The following PPP1R13B variants were observed in gnomAD, a reference collection of about 807,000 sequenced individuals.
PPP1R13B encodes protein phosphatase 1 regulatory subunit 13B, also known as apoptosis-stimulating of p53 protein 1.
Under a neutral mutation model 119.8 loss-of-function variants are expected in PPP1R13B, and 44 were observed. The ratio of observed to expected loss-of-function variants is 0.37; its 90% CI spans 0.29 to 0.47. PPP1R13B has a LOEUF of 0.47. PPP1R13B is among the 20% of genes least tolerant of loss of function. The pLI is 0.99. For synonymous variants in PPP1R13B, 542 were observed against 561.5 expected, an observed-to-expected ratio of 0.97 and a Z score of 0.49; for missense variants, 1,227 against 1,413.5, an observed-to-expected ratio of 0.87 and a Z score of 2.12.
intron 1 of PPP1R13B, 104 bp downstream of exon 1, chr14:103,847,195 C>A (rs2087067511): frequency 9.7e-7 from 1 of 1,031,264 alleles, no homozygotes; most frequent in Non-Finnish European, 1.2e-6. Flanking sequence ...CCCGCCCGCC[C>A]GGCCTCGCAC....
chr14:103,774,220 A>G (rs1302438642), intron 4 of PPP1R13B, among the ~76,000 whole-genome samples: 1 of 152,228 alleles, frequency 6.6e-6, no homozygotes, highest in Non-Finnish European at 1.5e-5. Context: ...GGTAGGATCA[A>G]TTGGTCTTGG....
chr14:103,831,658 G>A lies in PPP1R13B; in HGVS notation c.9+15641C>T, dbSNP rs187276401. Among the ~76,000 whole-genome samples the A allele has an allele frequency of 2.9e-3, 443 of 151,282 alleles. 1 individual carries two copies. Among genetic ancestry groups the A allele is most frequent in the South Asian group, 4.8e-3 (23 of 4,788 alleles). ...TCCTAGAAAATTTTAAATTGTGGCC[G>A]GGCGCAGTGGCTCACGCCTATAATC... On this transcript the variant is annotated intron_variant, in intron 1 of 16. Coordinates refer to ENST00000202556, the MANE Select transcript of PPP1R13B (RefSeq NM_015316.3).
chr14:103,740,971 GAC>G lies in PPP1R13B; in HGVS notation c.1823-380_1823-379del, dbSNP rs1426041445. Among the ~76,000 whole-genome samples the G allele has an allele frequency of 1.3e-5, 2 of 152,230 alleles. No individual in the cohort carries two copies. Among genetic ancestry groups the G allele is most frequent in the Non-Finnish European group, 2.9e-5 (2 of 68,038 alleles). ...TTCTTGGACTAACTCACATGACGGA[GAC>G]ACACGCGCCTCCTCAGAGCAGGAAG... On this transcript the variant is annotated intron_variant, in intron 11 of 16. Transcript: ENST00000202556. The surrounding 1 kb of genome is among the most constrained non-coding windows in gnomAD (Gnocchi z 4.6).
Position 103,840,691 on chromosome 14 carries a change from T to C in PPP1R13B, c.9+6608A>G, listed in dbSNP as rs142606208. On this transcript the variant is annotated intron_variant, in intron 1 of 16. Coordinates refer to ENST00000202556, the MANE Select transcript of PPP1R13B (RefSeq NM_015316.3). The stretch of plus-strand genomic sequence containing the variant: ...CTGTAAACCCAGCTGCTTTGGAGGA[T>C]GAGGCAGGAAAATTGCTTGAACCTG... 3.1e-3 allele frequency among the ~76,000 whole-genome samples: 473 copies of C among 151,762 alleles called. 13 individuals carry two copies. The highest frequency in any genetic ancestry group is 5.6e-3 in the East Asian group (29 of 5,140).
intron 1 of PPP1R13B, among the ~76,000 whole-genome samples, chr14:103,828,308 G>A (rs1423969929): frequency 6.7e-6 from 1 of 149,144 alleles, no homozygotes; most frequent in Non-Finnish European, 1.5e-5. Flanking sequence ...GGCAGAGACT[G>A]CAGTGAGCCG....
chr14:103,812,103 C>T (rs1261680079), intron 1 of PPP1R13B, among the ~76,000 whole-genome samples: 6 of 141,092 alleles, frequency 4.3e-5, no homozygotes, highest in African/African-American at 1.6e-4. Flanking sequence ...ATAAAACAAG[C>T]TAATGTTTTT....
intron 1 of PPP1R13B, among the ~76,000 whole-genome samples, chr14:103,805,006 T>C (rs1008767208): frequency 6.6e-6 from 1 of 152,098 alleles, no homozygotes; most frequent in Non-Finnish European, 1.5e-5. Flanking sequence ...CTGGCTAATT[T>C]TTTTATTTTC....
At chr14:103,841,811 C>T (rs1380925463) in intron 1 of PPP1R13B, among the ~76,000 whole-genome samples, 1 of 152,118 alleles carries the variant, frequency 6.6e-6, no homozygotes, top group Admixed American at 6.6e-5. Flanking sequence ...GTCAAGTTGC[C>T]TCAACCTTTG....
In PPP1R13B at chr14:103,749,814, G is replaced by T. The variant is rs756743851; in HGVS notation, c.949C>A (p.Leu317Ile). 3 of 1,612,418 alleles carry T rather than the reference G, an allele frequency of 1.9e-6. No individual in the cohort carries two copies. In the African/African-American group the frequency reaches 4.0e-5, roughly 22 times the overall value. Residue 317 changes from leucine to isoleucine, a missense_variant, in exon 8 of 17, where the codon CTC becomes ATC. Coordinates refer to ENST00000202556, the MANE Select transcript of PPP1R13B (RefSeq NM_015316.3). ...CATGCCTGAATTTTTTTCCCATAGA[G>T]ACGTTCACGCAGTTCACTGATTCGC... ...DKRISELRER[L>I]YGKKIQLNRV... is the part of the protein sequence containing the mutation.
At chr14:103,838,678 A>G (rs1461533546) in intron 1 of PPP1R13B, among the ~76,000 whole-genome samples, 1 of 152,186 alleles carries the variant, frequency 6.6e-6, no homozygotes, top group East Asian at 1.9e-4. Context: ...GACGGTGAAA[A>G]CTTTCCAGAG....
At chr14:103,761,274 T>TA (rs59281762) in intron 4 of PPP1R13B, among the ~76,000 whole-genome samples, 9,240 of 104,006 alleles carry the variant, frequency 0.089, 580 homozygotes, top group African/African-American at 0.19. Context: ...ACCCTATATT[T>TA]AAAAAAAAAA....
At chr14:103,790,413 T>C (rs769468966) in intron 2 of PPP1R13B, among the ~76,000 whole-genome samples, 6 of 152,092 alleles carry the variant, frequency 3.9e-5, no homozygotes, top group Non-Finnish European at 7.3e-5. Flanking sequence ...TGTGGTAATA[T>C]TAGGAGGTGG....
At chr14:103,791,264 C>A (rs1319633794) in intron 2 of PPP1R13B, among the ~76,000 whole-genome samples, 1 of 152,086 alleles carries the variant, frequency 6.6e-6, no homozygotes, top group East Asian at 1.9e-4. Context: ...GGACTACAGG[C>A]GCAAACAATC....
At chr14:103,836,343 G>C (rs1008665565) in intron 1 of PPP1R13B, among the ~76,000 whole-genome samples, 2 of 151,988 alleles carry the variant, frequency 1.3e-5, no homozygotes, top group African/African-American at 4.8e-5. Context: ...ACCATGCCCA[G>C]CCCCTAACTA....
In PPP1R13B at chr14:103,794,914, C is replaced by A. The variant is rs546559516; in HGVS notation, c.157+2457G>T. Among the ~76,000 whole-genome samples the A allele has an allele frequency of 7.5e-4, 114 of 152,282 alleles. 3 individuals are homozygous for A. In the South Asian group the frequency reaches 0.014, roughly 19 times the overall value. ...CCCGCCTTCAGGAATTTTAGTCCAA[C>A]AAGATAGAGATAAAAACTACTACTA... On this transcript the variant is annotated intron_variant, in intron 2 of 16. Transcript: ENST00000202556.
In PPP1R13B at chr14:103,740,707, G is replaced by T; in HGVS notation, c.1823-114C>A. ...GCAAAGACACACATATACATCTGCT[G>T]CTGTTATTCAATTCTCATTTCAAAT... On this transcript the variant is annotated intron_variant, in intron 11 of 16. Coordinates refer to ENST00000202556, the MANE Select transcript of PPP1R13B (RefSeq NM_015316.3). This position sits in a 1 kb window ranked among gnomAD's most constrained non-coding sequence, Gnocchi z 4.6. 1 of 869,338 alleles carries T rather than the reference G, an allele frequency of 1.2e-6. No individual in the cohort carries two copies. Among genetic ancestry groups the T allele is most frequent in the Non-Finnish European group, 1.6e-6 (1 of 637,742 alleles). 53.9% of individuals were successfully genotyped at this position (869,338 alleles called of 1,614,324 possible).
intron 5 of PPP1R13B, among the ~76,000 whole-genome samples, chr14:103,757,035 T>G (rs2084694214): frequency 6.6e-6 from 1 of 151,838 alleles, no homozygotes; most frequent in Non-Finnish European, 1.5e-5. Context: ...GTGCTGGGAT[T>G]ACAGGAGTGA....
intron 4 of PPP1R13B, among the ~76,000 whole-genome samples, chr14:103,774,651 C>A (rs553727798): frequency 1.0e-3 from 156 of 150,036 alleles, no homozygotes; most frequent in Non-Finnish European, 1.9e-3. Flanking sequence ...AACCCACACT[C>A]CCCCCTTTCT....
chr14:103,795,363 C>G (rs912825029), intron 2 of PPP1R13B, among the ~76,000 whole-genome samples: 4 of 152,168 alleles, frequency 2.6e-5, no homozygotes, highest in African/African-American at 9.7e-5. Flanking sequence ...AGGGATTGTT[C>G]TAGACAACGA....
Sources: gnomAD v4.1 joint callset for allele counts (sites outside exome capture counted in the v4.1 genomes callset) on GRCh38, gnomAD v4.1.1 for gene constraint, Gnocchi (gnomAD v3.1) non-coding constraint, MANE v1.5 for transcripts, NCBI Gene and HGNC (gene_info 2026-07-23, HGNC 2026-07-21) for gene names.